MKLN1: variants seen among roughly 807,000 people sequenced by gnomAD.
MKLN1 encodes muskelin 1.
In MKLN1, 18 loss-of-function variants were observed where a neutral mutation model predicts 99.0. The ratio of observed to expected loss-of-function variants is 0.18; its 90% confidence interval spans 0.13 to 0.27. The LOEUF (loss-of-function observed/expected upper bound fraction) is 0.27. MKLN1 is among the 10% of genes least tolerant of loss of function. The pLI is 1.00. For missense variants in MKLN1, 621 were observed against 875.9 expected (o/e 0.71, Z 3.67); for synonymous variants, 288 against 293.2 (o/e 0.98, Z 0.18).
At chr7:131,248,774 C>T (rs768226231) in intron 3 of MKLN1, among the ~76,000 whole-genome samples, 77 of 152,180 alleles carry the variant, frequency 5.1e-4, no homozygotes, top group Non-Finnish European at 1.0e-3. Context: ...GGGATGAAGG[C>T]TGAATGCTGT....
At chr7:131,173,968 C>CT (rs796102760) in intron 2 of MKLN1, among the ~76,000 whole-genome samples, 5,858 of 118,212 alleles carry the variant, frequency 0.05, 408 homozygotes, top group Non-Finnish European at 0.066. Flanking sequence ...AGACCTTTTT[C>CT]TTTTTCTTTT....
chr7:131,159,101 A>G (rs1796010332), intron 2 of MKLN1, among the ~76,000 whole-genome samples: 2 of 152,132 alleles, frequency 1.3e-5, no homozygotes, highest in African/African-American at 4.8e-5. Flanking sequence ...GGCTGAAGTG[A>G]GAGGATCGCC....
chr7:131,236,486 C>A (rs576792282), intron 3 of MKLN1, among the ~76,000 whole-genome samples: 1 of 152,176 alleles, frequency 6.6e-6, no homozygotes, highest in East Asian at 1.9e-4. Context: ...CATGGTGAAA[C>A]CCCGACTCTA....
intron 12 of MKLN1, among the ~76,000 whole-genome samples, chr7:131,457,896 CAA>C: frequency 6.6e-6 from 1 of 151,836 alleles, no homozygotes; most frequent in African/African-American, 2.4e-5. Flanking sequence ...GCCTGGGCAA[CAA>C]GAGTGAAACT....
intron 3 of MKLN1, among the ~76,000 whole-genome samples, chr7:131,212,942 A>G (rs1330716943): frequency 6.6e-6 from 1 of 151,454 alleles, no homozygotes; most frequent in Non-Finnish European, 1.5e-5. Flanking sequence ...AAAACAAAAA[A>G]CACCTACCTT....
intron 2 of MKLN1, among the ~76,000 whole-genome samples, chr7:131,191,722 T>C (rs1022516707): frequency 1.3e-5 from 2 of 150,960 alleles, no homozygotes; most frequent in Admixed American, 1.3e-4. Context: ...TTTTCCTTTT[T>C]TTTTTTTTTG....
At chr7:131,286,100 G>A (rs940057029) in intron 3 of MKLN1, among the ~76,000 whole-genome samples, 2 of 152,046 alleles carry the variant, frequency 1.3e-5, no homozygotes, top group Admixed American at 1.3e-4. Context: ...ACAGGCATGC[G>A]TTATCACGCC....
At chr7:131,357,452 A>G (rs888901323) in intron 1 of MKLN1, among the ~76,000 whole-genome samples, 13 of 152,196 alleles carry the variant, frequency 8.5e-5, no homozygotes, top group African/African-American at 3.1e-4. Flanking sequence ...CATTATACAC[A>G]GCCAATACTG....
chr7:131,435,681 T>C (rs1366001897), intron 9 of MKLN1, among the ~76,000 whole-genome samples: 1 of 152,156 alleles, frequency 6.6e-6, no homozygotes. Context: ...AGATTTTACC[T>C]ATGTTTTTGA....
chr7:131,227,768 G>A (rs572281828), intron 3 of MKLN1, among the ~76,000 whole-genome samples: 42 of 152,156 alleles, frequency 2.8e-4, no homozygotes, highest in Non-Finnish European at 4.4e-4. Context: ...GTTTCACCAC[G>A]TTGGCCAGGC....
intron 1 of MKLN1, among the ~76,000 whole-genome samples, chr7:131,356,435 C>G (rs1799883166): frequency 6.6e-6 from 1 of 152,122 alleles, no homozygotes; most frequent in African/African-American, 2.4e-5. Flanking sequence ...CCCACTGTAA[C>G]ATTTCCCCCC....
intron 11 of MKLN1, among the ~76,000 whole-genome samples, chr7:131,445,555 T>C (rs1403497749): frequency 2.6e-5 from 4 of 152,136 alleles, no homozygotes; most frequent in African/African-American, 9.6e-5. Context: ...CTGTATATAT[T>C]ATTCTGCACC....
intron 3 of MKLN1, among the ~76,000 whole-genome samples, chr7:131,223,354 G>T (rs746081931): frequency 6.6e-6 from 1 of 152,162 alleles, no homozygotes; most frequent in African/African-American, 2.4e-5. Flanking sequence ...GCCATAGCTC[G>T]GAACATCACA....
At chr7:131,464,735 T>C (rs1284516514) in intron 14 of MKLN1, among the ~76,000 whole-genome samples, 1 of 152,208 alleles carries the variant, frequency 6.6e-6, no homozygotes. Flanking sequence ...GTTGTCAGCA[T>C]TTAGGTACCT....
At chr7:131,134,736 G>A (rs1259993011) in intron 1 of MKLN1, among the ~76,000 whole-genome samples, 1 of 152,140 alleles carries the variant, frequency 6.6e-6, no homozygotes, top group Non-Finnish European at 1.5e-5. Flanking sequence ...TGGTGACTCA[G>A]ACCTTAATCC....
chr7:131,244,545 A>T (rs965061761), intron 3 of MKLN1, among the ~76,000 whole-genome samples: 1 of 152,160 alleles, frequency 6.6e-6, no homozygotes, highest in African/African-American at 2.4e-5. Flanking sequence ...CTCCCTGCTT[A>T]TAACTGGTTT....
chr7:131,264,319 G>A (rs930267838), intron 3 of MKLN1, among the ~76,000 whole-genome samples: 4 of 152,280 alleles, frequency 2.6e-5, no homozygotes, highest in African/African-American at 9.6e-5. Flanking sequence ...TTAAGGAAGA[G>A]CATCTATTTC....
Position 131,395,090 on chromosome 7 carries a change from TA to T in MKLN1, c.401-2176del, listed in dbSNP as rs200827179. On this transcript the variant is annotated intron_variant, in intron 4 of 17. Transcript: ENST00000352689. ...AGTTAAGCTCACAGTGGTGGGTACT[TA>T]TCTTCCAAAATTCTAATTTTTCTCT... is the stretch of plus-strand genomic sequence containing the variant. 1.1e-3 allele frequency among the ~76,000 whole-genome samples: 164 copies of T among 152,216 alleles called. 4 individuals carry two copies. The East Asian group carries it at 0.022, about 20-fold the overall frequency.
intron 6 of MKLN1, among the ~76,000 whole-genome samples, chr7:131,410,727 G>A (rs368247142): frequency 2.6e-5 from 4 of 152,080 alleles, no homozygotes; most frequent in African/African-American, 9.7e-5. Context: ...AAGACAAGTG[G>A]TGGGAGATCA....
Sources: allele counts gnomAD v4.1 joint callset (sites outside exome capture counted in the v4.1 genomes callset), GRCh38; gene constraint gnomAD v4.1.1; transcripts MANE v1.5; gene names NCBI Gene and HGNC (gene_info 2026-07-23, HGNC 2026-07-21).